FOCAD: variants seen among roughly 807,000 people sequenced by gnomAD.
The protein encoded by FOCAD is KIAA1797.
In FOCAD, 198 loss-of-function variants were observed where a neutral mutation model predicts 225.6. That is an observed-to-expected ratio of 0.88 (90% confidence interval 0.78 to 0.99). The LOEUF (loss-of-function observed/expected upper bound fraction) is 0.99, where lower values mean the gene tolerates loss of function less well. FOCAD is among the 50% of genes least tolerant of loss of function. The pLI, the probability that FOCAD is intolerant of heterozygous loss-of-function variation, is 0.00. For synonymous variants in FOCAD, 897 were observed against 755.0 expected, an observed-to-expected ratio of 1.19 and a Z score of -3.08; for missense variants, 2,713 against 2,123.6, an observed-to-expected ratio of 1.28 and a Z score of -5.46.
chr9:20,916,825 T>A (rs1049927964), intron 23 of FOCAD, 68 bp from the exon 24 acceptor site: 25 of 1,412,218 alleles, frequency 1.8e-5, no homozygotes, highest in African/African-American at 2.9e-5. Flanking sequence ...TATTAATTGA[T>A]GAAAAAGAGA....
chr9:20,728,528 G>A (rs1240188914), intron 4 of FOCAD, among the ~76,000 whole-genome samples: 2 of 152,184 alleles, frequency 1.3e-5, no homozygotes, highest in Non-Finnish European at 2.9e-5. Context: ...TAGGATTTTG[G>A]ATTTGTTGAT....
chr9:20,664,340 G>A (rs1821831870), intron 2 of FOCAD, among the ~76,000 whole-genome samples: 1 of 149,666 alleles, frequency 6.7e-6, no homozygotes, highest in South Asian at 2.1e-4. Context: ...TTTATTAAAA[G>A]AGGTAAAAAG....
At chr9:20,993,916 A>C (rs1249587351) in intron 43 of FOCAD, among the ~76,000 whole-genome samples, 1 of 152,236 alleles carries the variant, frequency 6.6e-6, no homozygotes, top group Non-Finnish European at 1.5e-5. Context: ...AAAATTCAGA[A>C]AACTAAAAAG....
chr9:20,805,568 C>G (rs1822335206), intron 11 of FOCAD, among the ~76,000 whole-genome samples: 1 of 151,974 alleles, frequency 6.6e-6, no homozygotes, highest in Admixed American at 6.6e-5. Flanking sequence ...TCTCTTCCTT[C>G]CATTATTTGA....
intron 11 of FOCAD, among the ~76,000 whole-genome samples, chr9:20,795,058 A>G (rs555277813): frequency 9.2e-5 from 14 of 152,354 alleles, no homozygotes; most frequent in African/African-American, 3.1e-4. Flanking sequence ...ATAAAATAGG[A>G]TAACTCCCTG....
chr9:20,851,059 CTT>C (rs1390693815), intron 15 of FOCAD, among the ~76,000 whole-genome samples: 1 of 151,290 alleles, frequency 6.6e-6, no homozygotes, highest in Non-Finnish European at 1.5e-5. Flanking sequence ...AATAATTAGT[CTT>C]ATGAAAATAT....
chr9:20,680,238 C>A (rs1822361765), upstream of FOCAD, among the ~76,000 whole-genome samples: 1 of 152,116 alleles, frequency 6.6e-6, no homozygotes, highest in Non-Finnish European at 1.5e-5. Context: ...TGTTTTTTGT[C>A]CGGCCTTCAC....
intron 28 of FOCAD, among the ~76,000 whole-genome samples, chr9:20,933,388 A>G (rs1475831936): frequency 6.6e-6 from 1 of 152,124 alleles, no homozygotes; most frequent in Non-Finnish European, 1.5e-5. Flanking sequence ...CCAGTGTGTG[A>G]TTCTTAAGCC....
chr9:20,771,150 A>C (rs1177417184), intron 8 of FOCAD, among the ~76,000 whole-genome samples: 1 of 152,214 alleles, frequency 6.6e-6, no homozygotes, highest in Non-Finnish European at 1.5e-5. Flanking sequence ...CATGTGCCCA[A>C]ATAGAGAGAC....
chr9:20,909,683 A>T (rs1168282676), intron 22 of FOCAD, among the ~76,000 whole-genome samples: 1 of 152,144 alleles, frequency 6.6e-6, no homozygotes, highest in African/African-American at 2.4e-5. Context: ...TTGCAGTATT[A>T]TTTAAAAATA....
intron 18 of FOCAD, among the ~76,000 whole-genome samples, chr9:20,872,257 G>A (rs566572085): frequency 1.3e-5 from 2 of 152,190 alleles, no homozygotes; most frequent in East Asian, 1.9e-4. Flanking sequence ...TGCTTTATCC[G>A]CAATCTTTCT....
intron 16 of FOCAD, among the ~76,000 whole-genome samples, chr9:20,864,620 C>A (rs1829070167): frequency 6.6e-6 from 1 of 151,968 alleles, no homozygotes; most frequent in Admixed American, 6.6e-5. Context: ...CTATTTTATA[C>A]TACAGGTATA....
intron 1 of FOCAD, among the ~76,000 whole-genome samples, chr9:20,699,751 AAAAAAAAAAAAAAAAAAAAAAAATATAT>A (rs1256229964): frequency 1.9e-3 from 98 of 52,462 alleles, no homozygotes; most frequent in Middle Eastern, 0.011. Context: ...AAAAAAAAAA[AAAAAAAAAAAAAAAAAAAAAAAATATAT>A]ATATATATAT....
chr9:20,851,307 G>A (rs899423197), intron 15 of FOCAD, among the ~76,000 whole-genome samples: 1 of 151,304 alleles, frequency 6.6e-6, no homozygotes, highest in Admixed American at 6.6e-5. Context: ...GTAAAGAAAG[G>A]GATTAGAAAA....
At chr9:20,766,850 G>T (rs1355289303) in intron 7 of FOCAD, among the ~76,000 whole-genome samples, 1 of 151,632 alleles carries the variant, frequency 6.6e-6, no homozygotes, top group African/African-American at 2.4e-5. Flanking sequence ...TATACTTTAA[G>T]TTTTAGGGTA....
At chr9:20,871,081 G>A (rs1829720951) in intron 18 of FOCAD, among the ~76,000 whole-genome samples, 1 of 151,918 alleles carries the variant, frequency 6.6e-6, no homozygotes, top group Non-Finnish European at 1.5e-5. Flanking sequence ...TGCGGGGCCT[G>A]TAATCCCAGC....
rs148302294 is a variant in FOCAD, at chr9:20,930,213, T to A, written c.3317+617T>A. On this transcript the variant is annotated intron_variant, in intron 27 of 43. Transcript: ENST00000338382. ...AACTTTATTTACCCTTGAATGGAGC[T>A]AATGGAATAGACTCAGGTGGAAAAT... Among the ~76,000 whole-genome samples, 370 of 152,318 alleles carry A rather than the reference T, an allele frequency of 2.4e-3. 3 individuals carry two copies. The highest frequency in any genetic ancestry group is 8.4e-3 in the African/African-American group (349 of 41,580).
At chr9:20,722,767 TA>T (rs1825887113) in intron 4 of FOCAD, among the ~76,000 whole-genome samples, 1 of 152,238 alleles carries the variant, frequency 6.6e-6, no homozygotes, top group African/African-American at 2.4e-5. Flanking sequence ...TTTTCTCATT[TA>T]TTGGTTGATC....
At chr9:20,887,789 A>G (rs558427200) in intron 21 of FOCAD, among the ~76,000 whole-genome samples, 3 of 152,152 alleles carry the variant, frequency 2.0e-5, no homozygotes, top group Non-Finnish European at 4.4e-5. Context: ...TGGCTGTCTT[A>G]TTTTGAATGC....
Sources: allele counts gnomAD v4.1 joint callset (sites outside exome capture counted in the v4.1 genomes callset), GRCh38; gene constraint gnomAD v4.1.1; transcripts MANE v1.5; gene names NCBI Gene and HGNC (gene_info 2026-07-23, HGNC 2026-07-21).